The following CSPP1 variants were observed in gnomAD, a reference collection of about 807,000 sequenced individuals.
CSPP1 encodes centrosome and spindle pole associated protein 1, also known as centrosome and spindle pole-associated protein 1.
CSPP1 carries 126 observed loss-of-function variants against 164.4 expected under a neutral mutation model. The ratio of observed to expected loss-of-function variants is 0.77; its 90% CI spans 0.66 to 0.89. CSPP1 has a LOEUF of 0.89. CSPP1 is among the 40% of genes least tolerant of loss of function. CSPP1 has a pLI of 0.00. For missense variants in CSPP1, 1,395 were observed against 1,449.8 expected (o/e 0.96, Z 0.61); for synonymous variants, 472 against 476.7 (o/e 0.99, Z 0.13).
rs1424151624 is a variant in CSPP1, at chr8:67,064,404, G to A, written c.-145G>A. On this transcript the variant is annotated 5_prime_UTR_variant, in exon 1 of 31. Coordinates refer to ENST00000678616, the MANE Select transcript of CSPP1 (RefSeq NM_001382391.1). ...CCCCGGCCCGGAGGTCTGTCATGCT[G>A]TTCCCGCTCCAGGTGGCCGCTGTAA... The A allele has an allele frequency of 1.2e-6, 2 of 1,613,628 alleles. No individual in the cohort carries two copies. Among genetic ancestry groups the A allele is most frequent in the East Asian group, 4.5e-5 (2 of 44,858 alleles).
intron 1 of CSPP1, among the ~76,000 whole-genome samples, chr8:67,066,212 C>A (rs1433050393): frequency 1.8e-4 from 28 of 152,136 alleles, no homozygotes; most frequent in Admixed American, 1.7e-3. Flanking sequence ...CCCTCTCTTT[C>A]CCCCAGCAAC....
intron 25 of CSPP1, among the ~76,000 whole-genome samples, chr8:67,173,196 A>C (rs1830817512): frequency 6.6e-6 from 1 of 151,984 alleles, no homozygotes; most frequent in African/African-American, 2.4e-5. Flanking sequence ...GTGAGGAGCT[A>C]TGCAGGAGAA....
intron 3 of CSPP1, among the ~76,000 whole-genome samples, chr8:67,077,103 G>A (rs1808085216): frequency 6.6e-6 from 1 of 151,730 alleles, no homozygotes; most frequent in African/African-American, 2.4e-5. Context: ...CTTGTTGGTA[G>A]GTATACATTT....
At chr8:67,192,925 T>C (rs1165074305) in intron 29 of CSPP1, among the ~76,000 whole-genome samples, 1 of 152,224 alleles carries the variant, frequency 6.6e-6, no homozygotes, top group Non-Finnish European at 1.5e-5. Flanking sequence ...TTTTTTCCTT[T>C]TGTGTCCTAT....
chr8:67,078,112 G>C (rs899067897), intron 3 of CSPP1, among the ~76,000 whole-genome samples: 2 of 151,936 alleles, frequency 1.3e-5, no homozygotes, highest in South Asian at 4.2e-4. Context: ...TTAATAGTAG[G>C]TTATCTCAAG....
chr8:67,168,395 A>G (rs1829890324), intron 24 of CSPP1, among the ~76,000 whole-genome samples: 1 of 152,160 alleles, frequency 6.6e-6, no homozygotes, highest in South Asian at 2.1e-4. Context: ...CTTTTCATTA[A>G]TAAATTCTTT....
At chr8:67,122,894 GTT>G (rs1491265669) in intron 15 of CSPP1, among the ~76,000 whole-genome samples, 1 of 151,486 alleles carries the variant, frequency 6.6e-6, no homozygotes, top group Non-Finnish European at 1.5e-5. Flanking sequence ...GTGTGTGTGT[GTT>G]TGTGTGTGTG....
intron 21 of CSPP1, 73 bp from the exon 22 acceptor site, chr8:67,161,738 G>GGTGTGT (rs138049979): frequency 1.4e-6 from 1 of 702,514 alleles, no homozygotes; most frequent in Admixed American, 2.2e-5. Flanking sequence ...AACTATAAGG[G>GGTGTGT]GTGTGTGTGT....
chr8:67,076,427 A>G (rs769444631), intron 2 of CSPP1, 55 bp from the exon 3 acceptor site: 27 of 965,532 alleles, frequency 2.8e-5, no homozygotes, highest in Non-Finnish European at 4.1e-5. Flanking sequence ...GATGAGTTGT[A>G]TATTTCATGG....
chr8:67,123,924 C>T (rs1157175867), intron 15 of CSPP1, among the ~76,000 whole-genome samples: 1 of 124,228 alleles, frequency 8.0e-6, no homozygotes, highest in African/African-American at 3.1e-5. Flanking sequence ...TTTTTTAAGA[C>T]GCAGTCTCGC....
intron 2 of CSPP1, chr8:67,074,806 A>T: frequency 3.3e-6 from 1 of 303,840 alleles, no homozygotes; most frequent in Non-Finnish European, 6.3e-6. Context: ...TTTGAGATAG[A>T]ATCTCGCTCT....
At chr8:67,105,106 C>T (rs1170392346) in intron 8 of CSPP1, among the ~76,000 whole-genome samples, 2 of 138,386 alleles carry the variant, frequency 1.4e-5, no homozygotes, top group African/African-American at 2.7e-5. Context: ...GCTCACTGTA[C>T]CCTCTGCCTT....
intron 29 of CSPP1, among the ~76,000 whole-genome samples, chr8:67,191,778 A>T (rs1836325941): frequency 6.6e-6 from 1 of 152,194 alleles, no homozygotes; most frequent in South Asian, 2.1e-4. Context: ...CCTAGAAGGA[A>T]ATTGTTGGGT....
chr8:67,158,646 T>A (rs1450304265), intron 20 of CSPP1, 50 bp downstream of exon 20: 15 of 1,516,308 alleles, frequency 9.9e-6, no homozygotes, highest in Non-Finnish European at 1.3e-5. Context: ...GAAGGTGAAA[T>A]CTTTGACTTG....
At chr8:67,149,695 T>C (rs989805062) in intron 17 of CSPP1, 88 bp from the exon 18 acceptor site, 5 of 927,958 alleles carry the variant, frequency 5.4e-6, no homozygotes, top group Non-Finnish European at 7.6e-6. Flanking sequence ...TGTTTTTCTT[T>C]CTGACTTCCT....
At chr8:67,118,705 T>C in intron 14 of CSPP1, 38 bp from the exon 15 acceptor site, 2 of 1,378,398 alleles carry the variant, frequency 1.5e-6, no homozygotes, top group Admixed American at 1.9e-5. Context: ...ATGATTATTC[T>C]AAATAAACTT....
At chr8:67,187,701 G>C (rs1835061226) in intron 28 of CSPP1, among the ~76,000 whole-genome samples, 1 of 152,038 alleles carries the variant, frequency 6.6e-6, no homozygotes. Context: ...GAAAGAAATA[G>C]ACTCACGCAA....
chr8:67,137,360 T>G, intron 16 of CSPP1, 96 bp from the exon 17 acceptor site: 1 of 1,009,398 alleles, frequency 9.9e-7, no homozygotes, highest in Non-Finnish European at 1.3e-6. Context: ...ATTTTTTTGC[T>G]TGTTTTCTAA....
intron 24 of CSPP1, among the ~76,000 whole-genome samples, chr8:67,170,842 A>C (rs1305893137): frequency 6.6e-6 from 1 of 151,980 alleles, no homozygotes; most frequent in Non-Finnish European, 1.5e-5. Flanking sequence ...GCTGGAGTGC[A>C]GTTGCACTAT....
Sources: gnomAD v4.1 joint callset for allele counts (sites outside exome capture counted in the v4.1 genomes callset) on GRCh38, gnomAD v4.1.1 for gene constraint, MANE v1.5 for transcripts, NCBI Gene and HGNC (gene_info 2026-07-23, HGNC 2026-07-21) for gene names.